NBEAL2: variants seen among roughly 807,000 people sequenced by gnomAD.
NBEAL2 encodes the protein neurobeachin-like protein 2.
NBEAL2 carries 160 observed loss-of-function variants against 299.8 expected under a neutral mutation model. The ratio of observed to expected loss-of-function variants is 0.53; its 90% confidence interval spans 0.47 to 0.61. The LOEUF (loss-of-function observed/expected upper bound fraction) is 0.61, where lower values mean the gene tolerates loss of function less well. Ranked by LOEUF, NBEAL2 falls within the 20% of genes least tolerant of loss-of-function variation. The pLI is 0.00. For synonymous variants in NBEAL2, 1,493 were observed against 1,542.3 expected (o/e 0.97, Z 0.75); for missense variants, 3,112 against 3,649.0 (o/e 0.85, Z 3.79).
At chr3:46,984,965 A>C (rs2035588987) in intron 1 of NBEAL2, among the ~76,000 whole-genome samples, 1 of 152,144 alleles carries the variant, frequency 6.6e-6, no homozygotes, top group African/African-American at 2.4e-5. Context: ...GGTTTTAAAG[A>C]GGTTAATGTT....
intron 19 of NBEAL2, 44 bp downstream of exon 19, chr3:46,997,477 A>G (rs1446082192): frequency 6.3e-7 from 1 of 1,595,994 alleles, no homozygotes; most frequent in Non-Finnish European, 8.6e-7. Flanking sequence ...GAATCTTGGC[A>G]TGGTAGGGGG....
Position 47,004,634 on chromosome 3 carries a change from C to T in NBEAL2, c.6294+44C>T, listed in dbSNP as rs1329549928. 6.3e-7 allele frequency: 1 copy of T among 1,579,300 alleles called. No homozygotes were observed. The highest frequency in any genetic ancestry group is 2.2e-5 in the East Asian group (1 of 44,686). On this transcript the variant is annotated intron_variant, in intron 38 of 53. Coordinates refer to ENST00000450053, the MANE Select transcript of NBEAL2 (RefSeq NM_015175.3). The surrounding 1 kb of genome is among the most constrained non-coding windows in gnomAD (Gnocchi z 5.0). The stretch of plus-strand genomic sequence containing the variant: ...ACCCCTCCACCCCTGCCCCTCTGAC[C>T]TGTCAGCCCTTGGTTCCCCCAAGTG...
In NBEAL2 at chr3:47,007,581, C is replaced by T; in HGVS notation, c.7391C>T (p.Ala2464Val). The change falls in exon 48 of 54, where the codon GCA becomes GTA. Residue 2464 changes from alanine to valine, a missense_variant. Transcript: ENST00000450053. ...CCAGGCAGTGGTGTGAGTGGACAAG[C>T]ACTGGCAGTGGCCCCGGATGGAAAG... ...WVPGSGVSGQ[A>V]LAVAPDGKLL... 6.2e-7 allele frequency: 1 copy of T among 1,612,528 alleles called. No homozygotes were observed. The highest frequency in any genetic ancestry group is 8.5e-7 in the Non-Finnish European group (1 of 1,179,672).
Position 47,003,933 on chromosome 3 carries a change from A to G in NBEAL2, c.5838A>G (p.Val1946=), listed in dbSNP as rs375049198. 2.4e-5 allele frequency: 38 copies of G among 1,613,702 alleles called. No homozygotes were observed. Among genetic ancestry groups the G allele is most frequent in the Middle Eastern group, 1.7e-4 (1 of 6,058 alleles). ...PGLLEVTTQN[V]YFYDGSTERV... is the part of the protein sequence containing the mutation. Reference sequence around the variant, plus strand: ...TGCTGGAGGTCACCACACAGAATGTATACTTCTACGATGGCAGCACTGAGC... The same window carrying G: ...TGCTGGAGGTCACCACACAGAATGTGTACTTCTACGATGGCAGCACTGAGC... The change falls in exon 36 of 54, where the codon GTA becomes GTG. Residue 1946 remains valine, a synonymous_variant. Transcript: ENST00000450053. The surrounding 1 kb of genome is among the most constrained non-coding windows in gnomAD (Gnocchi z 7.0).
chr3:46,996,315 GACC>G lies in NBEAL2; in HGVS notation c.2205_2207del (p.Thr736del). 1 of 1,610,478 alleles carries G rather than the reference GACC, an allele frequency of 6.2e-7. No individual in the cohort carries two copies. On this transcript the variant is annotated inframe_deletion, in exon 16 of 54. Transcript: ENST00000450053. ...TCGGCTCCGCTGGATACCGCACAAC[GACC>G]ACCACCACAGGGCTGCCCACACCAC...
Position 46,998,880 on chromosome 3 carries a change from G to A in NBEAL2, c.3384+1G>A. 1.3e-6 allele frequency: 2 copies of A among 1,593,662 alleles called. No homozygotes were observed. Among genetic ancestry groups the A allele is most frequent in the Non-Finnish European group, 1.7e-6 (2 of 1,170,462 alleles). On this transcript the variant is annotated splice_donor_variant, in intron 23 of 53. Transcript: ENST00000450053. LOFTEE classifies it high-confidence loss of function. ...GGCGGCCACAGGCGATGACGGTCAG[G>A]TAGGCTGGAGGTTGGGGAGCGGGAG...
rs376511488 is a variant in NBEAL2 at position 46,996,880 on chromosome 3, C to T, written c.2556+47C>T. On this transcript the variant is annotated intron_variant, in intron 17 of 53. Coordinates refer to ENST00000450053, the MANE Select transcript of NBEAL2 (RefSeq NM_015175.3). ...GTGGTTGGCTCGACTGTGCTACTTC[C>T]CCGGCTCCCACACTCTGCCTGCCAC... The T allele has an allele frequency of 6.2e-6, 10 of 1,609,164 alleles. No homozygotes were observed. In the African/African-American group the frequency reaches 1.1e-4, roughly 17 times the overall value.
At position 47,001,544 on chromosome 3, in the gene NBEAL2, G is replaced by A; in HGVS notation, c.4644+106G>A. 6.5e-7 allele frequency: 1 copy of A among 1,548,032 alleles called. No individual in the cohort carries two copies. On this transcript the variant is annotated intron_variant, in intron 29 of 53. Transcript: ENST00000450053. The surrounding 1 kb of genome is among the most constrained non-coding windows in gnomAD (Gnocchi z 6.1). ...TGGGTACACGTGCGCAGGTGTGGGTGCATCAGCATGAATGCCTGTGAGTGT... is the reference window on the plus strand; with the variant it reads ...TGGGTACACGTGCGCAGGTGTGGGTACATCAGCATGAATGCCTGTGAGTGT...
intron 21 of NBEAL2, 106 bp from the exon 22 acceptor site, chr3:46,998,339 ATGGGGCGGCTGAGGGGAC>A: frequency 1.3e-6 from 2 of 1,517,186 alleles, no homozygotes; most frequent in Non-Finnish European, 9.0e-7. Context: ...CCAGAATGCC[ATGGGGCGGCTGAGGGGAC>A]TATGACCCTG....
In NBEAL2 at chr3:46,989,060, C is replaced by T. The variant is rs764262905; in HGVS notation, c.270-25C>T. On this transcript the variant is annotated intron_variant, in intron 3 of 53. Coordinates refer to ENST00000450053, the MANE Select transcript of NBEAL2 (RefSeq NM_015175.3). The surrounding 1 kb of genome is among the most constrained non-coding windows in gnomAD (Gnocchi z 5.5). ...GGAGGGGCATGGTGTATTATTGTGA[C>T]CTCTCTCATCATTGACTCCCCCAGG... 21 of 1,612,672 alleles carry T rather than the reference C, an allele frequency of 1.3e-5. No homozygotes were observed. The South Asian group carries it at 2.2e-4, about 17-fold the overall frequency.
intron 1 of NBEAL2, among the ~76,000 whole-genome samples, chr3:46,984,102 C>T (rs1474036329): frequency 2.0e-5 from 3 of 150,764 alleles, no homozygotes; most frequent in Non-Finnish European, 4.4e-5. Context: ...AGATCAAGAC[C>T]ATCCTGGCTA....
At position 46,982,836 on chromosome 3, in the gene NBEAL2, C is replaced by T. The variant is rs1333439424; in HGVS notation, c.51+2924C>T. Among the ~76,000 whole-genome samples the T allele has an allele frequency of 1.3e-5, 2 of 152,082 alleles. No individual in the cohort carries two copies. Among genetic ancestry groups the T allele is most frequent in the Non-Finnish European group, 2.9e-5 (2 of 68,002 alleles). On this transcript the variant is annotated intron_variant, in intron 1 of 53. Coordinates refer to ENST00000450053, the MANE Select transcript of NBEAL2 (RefSeq NM_015175.3). The surrounding 1 kb of genome is among the most constrained non-coding windows in gnomAD (Gnocchi z 4.2). ...GCCTGGTGGACAGGTGGGGGCTCAT[C>T]TAGAGGACTCAGAGCCCACCAGAGC...
Position 47,005,697 on chromosome 3 carries a change from G to A in NBEAL2, c.6692-41G>A, listed in dbSNP as rs369383601. The A allele has an allele frequency of 3.5e-5, 56 of 1,612,690 alleles. No homozygotes were observed. The African/African-American group carries it at 4.5e-4, about 13-fold the overall frequency. On this transcript the variant is annotated intron_variant, in intron 41 of 53. Coordinates refer to ENST00000450053, the MANE Select transcript of NBEAL2 (RefSeq NM_015175.3). The stretch of plus-strand genomic sequence containing the variant: ...ATGGTGGAGTGGCCAGGGGGCAGTC[G>A]GGATGGACAGGGAGACAGCTGACCC...
Position 46,997,184 on chromosome 3 carries a change from G to C in NBEAL2, c.2650-75G>C, listed in dbSNP as rs2107355103. ...CTCAAGAGAGCAAAACTTCCTTTCT[G>C]GGTGGTCTGCTGGGGTGGAGTAGGG... On this transcript the variant is annotated intron_variant, in intron 18 of 53. Coordinates refer to ENST00000450053, the MANE Select transcript of NBEAL2 (RefSeq NM_015175.3). 1.9e-6 allele frequency: 3 copies of C among 1,582,458 alleles called. No homozygotes were observed. In the South Asian group the frequency reaches 3.4e-5, roughly 18 times the overall value.
Position 47,006,074 on chromosome 3 carries a change from C to G in NBEAL2, c.6919+11C>G. On this transcript the variant is annotated intron_variant, in intron 43 of 53. Transcript: ENST00000450053. ...ACTGCACCTATGAGGGTGGGCAGTG[C>G]GCTGGACTCCAGTCAGGGCCAGGAC... 6.2e-7 allele frequency: 1 copy of G among 1,612,738 alleles called. No homozygotes were observed. Among genetic ancestry groups the G allele is most frequent in the Non-Finnish European group, 8.5e-7 (1 of 1,179,006 alleles).
At chr3:46,980,445 C>G (rs1196129032) in intron 1 of NBEAL2, among the ~76,000 whole-genome samples, 1 of 152,092 alleles carries the variant, frequency 6.6e-6, no homozygotes, top group Admixed American at 6.5e-5. Context: ...TTGCATCCCC[C>G]CACACCCCAG....
Position 47,002,199 on chromosome 3 carries a change from C to T in NBEAL2, c.5062C>T (p.Leu1688=), listed in dbSNP as rs1213813201. Residue 1688 remains leucine, a synonymous_variant, in exon 31 of 54, where the codon CTG becomes TTG. Coordinates refer to ENST00000450053, the MANE Select transcript of NBEAL2 (RefSeq NM_015175.3). The part of the protein sequence containing the change: ...PLGLQWGLPS[L]PPTNGSPTFF... ...GGGGCTGCAGTGGGGACTGCCCTCC[C>T]TGCCACCCACCAATGGCAGCCCCAC... is the stretch of plus-strand genomic sequence containing the variant. 1 of 1,527,672 alleles carries T rather than the reference C, an allele frequency of 6.5e-7. No individual in the cohort carries two copies. The highest frequency in any genetic ancestry group is 2.1e-5 in the Admixed American group (1 of 47,820). 94.6% of individuals were successfully genotyped at this position (1,527,672 alleles called of 1,614,324 possible). A position where few individuals can be genotyped will look rare whatever the true frequency, so the allele number is the denominator to read the frequency against.
Position 47,000,410 on chromosome 3 carries a change from G to A in NBEAL2, c.4305+6G>A. 2.6e-6 allele frequency: 4 copies of A among 1,564,212 alleles called. No individual in the cohort carries two copies. The highest frequency in any genetic ancestry group is 3.5e-6 in the Non-Finnish European group (4 of 1,152,250). ...CGAACACCAGCAACCCACAGGTGAG[G>A]TGGGCCCACCCTCTGCCACTGCATG... On this transcript the variant is annotated splice_donor_region_variant and intron_variant, in intron 27 of 53. Coordinates refer to ENST00000450053, the MANE Select transcript of NBEAL2 (RefSeq NM_015175.3). The surrounding 1 kb of genome is among the most constrained non-coding windows in gnomAD (Gnocchi z 4.5).
Position 47,007,600 on chromosome 3 carries a change from T to G in NBEAL2, c.7410T>G (p.Asp2470Glu). 6.2e-7 allele frequency: 1 copy of G among 1,612,118 alleles called. No individual in the cohort carries two copies. The highest frequency in any genetic ancestry group is 8.5e-7 in the Non-Finnish European group (1 of 1,179,530). The part of the protein sequence containing the change: ...VSGQALAVAP[D>E]GKLLFSGGHW... The stretch of plus-strand genomic sequence containing the variant: ...GACAAGCACTGGCAGTGGCCCCGGA[T>G]GGAAAGCTGCTATTCAGCGGTGGCC... The change falls in exon 48 of 54, where the codon GAT (aspartate) becomes GAG (glutamate). Residue 2470 changes from aspartate to glutamate, a missense_variant. By Grantham distance (45) the Asp-to-Glu change is conservative. Around this residue, in one of 3 missense-constraint regions of NBEAL2, gnomAD observed 348 missense variants for 381.4 expected, o/e 0.91. Coordinates refer to ENST00000450053, the MANE Select transcript of NBEAL2 (RefSeq NM_015175.3).
Sources: gnomAD v4.1 joint callset for allele counts (sites outside exome capture counted in the v4.1 genomes callset) on GRCh38, gnomAD v4.1.1 for gene constraint, gnomAD v4.1.1 regional missense constraint, Gnocchi (gnomAD v3.1) non-coding constraint, MANE v1.5 for transcripts, NCBI Gene and HGNC (gene_info 2026-07-23, HGNC 2026-07-21) for gene names.